The following ARAP2 variants were observed in gnomAD, a reference collection of about 807,000 sequenced individuals.
ARAP2 encodes ArfGAP with RhoGAP domain, ankyrin repeat and PH domain 2, also known as arf-GAP with Rho-GAP domain, ANK repeat and PH domain-containing protein 2.
A neutral mutation model predicts 194.5 loss-of-function variants in ARAP2; 148 were observed. The observed-to-expected ratio is 0.76, with a 90% CI of 0.67 to 0.87. The LOEUF (loss-of-function observed/expected upper bound fraction) is 0.87. ARAP2 is among the 40% of genes least tolerant of loss of function. The pLI, the probability that ARAP2 is intolerant of heterozygous loss-of-function variation, is 0.00. For missense variants in ARAP2, 2,128 were observed against 1,989.7 expected, an observed-to-expected ratio of 1.07 and a Z score of -1.32; for synonymous variants, 695 against 683.5, an observed-to-expected ratio of 1.02 and a Z score of -0.26.
chr4:36,153,040 G>A (rs1009409841), intron 15 of ARAP2, among the ~76,000 whole-genome samples: 1 of 152,206 alleles, frequency 6.6e-6, no homozygotes, highest in African/African-American at 2.4e-5. Flanking sequence ...TGTGACTGCA[G>A]ATCTCATTAT....
intron 6 of ARAP2, among the ~76,000 whole-genome samples, chr4:36,200,461 G>A (rs1040273702): frequency 6.6e-6 from 1 of 151,978 alleles, no homozygotes; most frequent in Non-Finnish European, 1.5e-5. Context: ...CTCCGTGTTG[G>A]TCAGGCTGGT....
At chr4:36,108,041 T>C (rs1344908164) in intron 26 of ARAP2, among the ~76,000 whole-genome samples, 1 of 151,800 alleles carries the variant, frequency 6.6e-6, no homozygotes, top group Non-Finnish European at 1.5e-5. Context: ...ATTATTATTA[T>C]TATTATTTTG....
intron 6 of ARAP2, chr4:36,209,227 C>T: frequency 5.0e-6 from 1 of 198,128 alleles, no homozygotes. Context: ...TTCACTGATT[C>T]ATTCCACTAG....
Position 36,159,413 on chromosome 4 carries a change from G to A in ARAP2, c.2535C>T (p.Pro845=), listed in dbSNP as rs370569197. 9.3e-6 allele frequency: 15 copies of A among 1,611,816 alleles called. No homozygotes were observed. Among genetic ancestry groups the A allele is most frequent in the South Asian group, 5.5e-5 (5 of 90,868 alleles). The part of the protein sequence containing the change: ...GADVMCATGD[P]VHSTPYLLAK... Reference sequence around the variant, plus strand: ...CTAGCAGATAGGGGGTGCTATGCACGGGGTCTCCGGTGGCACACATGACAT... The same window carrying A: ...CTAGCAGATAGGGGGTGCTATGCACAGGGTCTCCGGTGGCACACATGACAT... The change falls in exon 14 of 33, where the codon CCC becomes CCT. Residue 845 remains proline (P), a synonymous_variant. Transcript: ENST00000303965.
chr4:36,033,511 A>G (rs1428025551), intron 5 of ARAP2, among the ~76,000 whole-genome samples: 5 of 147,696 alleles, frequency 3.4e-5, no homozygotes, highest in Non-Finnish European at 7.5e-5. Context: ...TTTTTCTTGT[A>G]AATTGGATTA....
At chr4:36,048,713 G>C (rs1325625067) in intron 3 of ARAP2, among the ~76,000 whole-genome samples, 1 of 151,966 alleles carries the variant, frequency 6.6e-6, no homozygotes, top group Non-Finnish European at 1.5e-5. Flanking sequence ...ATATTTCTCT[G>C]GGTATATAGC....
intron 21 of ARAP2, among the ~76,000 whole-genome samples, chr4:36,125,963 CT>C (rs529950737): frequency 6.6e-6 from 1 of 151,986 alleles, no homozygotes; most frequent in Non-Finnish European, 1.5e-5. Flanking sequence ...TACAAAGTCA[CT>C]TGTAAAGGAC....
rs73806490 is a variant in ARAP2 at position 36,126,333 on chromosome 4, C to T, written c.3641-1366G>A. Among the ~76,000 whole-genome samples, 811 of 151,992 alleles carry T rather than the reference C, an allele frequency of 5.3e-3. 11 individuals are homozygous for T. The highest frequency in any genetic ancestry group is 0.018 in the African/African-American group (764 of 41,518). On this transcript the variant is annotated intron_variant, in intron 21 of 32. Transcript: ENST00000303965. ...AAAAGTCATGCTAGTATGCATATTTCCACAAATCTTATAAAATAGATGATA... is the reference window on the plus strand; with the variant it reads ...AAAAGTCATGCTAGTATGCATATTTTCACAAATCTTATAAAATAGATGATA...
At chr4:36,026,528 C>A (rs1717934813) in intron 5 of ARAP2, among the ~76,000 whole-genome samples, 1 of 152,104 alleles carries the variant, frequency 6.6e-6, no homozygotes, top group African/African-American at 2.4e-5. Context: ...TCTGACAGGC[C>A]TGAATCCAAG....
chr4:36,188,688 T>A (rs1321394925), intron 7 of ARAP2, among the ~76,000 whole-genome samples: 1 of 152,178 alleles, frequency 6.6e-6, no homozygotes, highest in East Asian at 1.9e-4. Flanking sequence ...AGGGATTTCT[T>A]TATCTCTTCC....
rs1293363822 is a variant in ARAP2, at chr4:36,193,777, G to C, written c.1488-130C>G. 3 of 649,670 alleles carry C rather than the reference G, an allele frequency of 4.6e-6. No homozygotes were observed. In the African/African-American group the frequency reaches 5.6e-5, roughly 12 times the overall value. The allele number at this position is 649,670 out of a possible 1,614,324, so 40.2% of individuals were successfully genotyped here. On this transcript the variant is annotated intron_variant, in intron 6 of 32. Coordinates refer to ENST00000303965, the MANE Select transcript of ARAP2 (RefSeq NM_015230.4). ...AACACCATAGACAACAATAGGCTAT[G>C]ATAATACACAGTTTTGGCCATGGCA...
chr4:36,177,398 C>A (rs764243487), intron 9 of ARAP2, among the ~76,000 whole-genome samples: 1 of 152,032 alleles, frequency 6.6e-6, no homozygotes, highest in African/African-American at 2.4e-5. Context: ...ATTCTGTAAA[C>A]TCAAGCAAAT....
chr4:36,021,859 G>A (rs1392391591), intron 5 of ARAP2, among the ~76,000 whole-genome samples: 1 of 152,172 alleles, frequency 6.6e-6, no homozygotes. Context: ...ATCATCTAAT[G>A]ATGGAGATAC....
At chr4:36,096,362 CA>C (rs10632831) in intron 27 of ARAP2, among the ~76,000 whole-genome samples, 144 of 80,970 alleles carry the variant, frequency 1.8e-3, no homozygotes, top group African/African-American at 4.6e-3. Flanking sequence ...GAGACTCTCT[CA>C]AAAAAAAAAA....
intron 6 of ARAP2, among the ~76,000 whole-genome samples, chr4:36,201,538 T>C (rs1402823509): frequency 3.9e-5 from 6 of 152,220 alleles, no homozygotes; most frequent in Admixed American, 3.9e-4. Context: ...TCGAATAATT[T>C]ATTAGACTTG....
intron 1 of ARAP2, among the ~76,000 whole-genome samples, chr4:36,234,234 T>G (rs1752035470): frequency 6.6e-6 from 1 of 152,178 alleles, no homozygotes; most frequent in Admixed American, 6.6e-5. Flanking sequence ...TGCTCAGAGT[T>G]CTGGAGGATG....
chr4:36,036,742 C>A, intron 5 of ARAP2, among the ~76,000 whole-genome samples: 1 of 152,058 alleles, frequency 6.6e-6, no homozygotes, highest in Non-Finnish European at 1.5e-5. Context: ...CACAATATCT[C>A]TAAGTTTCTG....
chr4:36,028,478 G>A (rs1490379728), intron 5 of ARAP2, among the ~76,000 whole-genome samples: 1 of 151,478 alleles, frequency 6.6e-6, no homozygotes, highest in Non-Finnish European at 1.5e-5. Context: ...ATATTTGTAT[G>A]GACTTATACA....
chr4:36,095,560 T>G (rs1714923499), intron 27 of ARAP2, among the ~76,000 whole-genome samples: 1 of 152,122 alleles, frequency 6.6e-6, no homozygotes, highest in Non-Finnish European at 1.5e-5. Context: ...AGCTTATGAA[T>G]AAAAGGCTCT....
Sources: gnomAD v4.1 joint callset for allele counts (sites outside exome capture counted in the v4.1 genomes callset) on GRCh38, gnomAD v4.1.1 for gene constraint, MANE v1.5 for transcripts, NCBI Gene and HGNC (gene_info 2026-07-23, HGNC 2026-07-21) for gene names.